Variants in MGAT4C observed in about 807,000 individuals in gnomAD.
The protein encoded by MGAT4C is alpha-1,3-mannosyl-glycoprotein 4-beta-N-acetylglucosaminyltransferase C.
MGAT4C carries 19 observed loss-of-function variants against 40.1 expected under a neutral mutation model. The ratio of observed to expected loss-of-function variants is 0.47; its 90% confidence interval spans 0.33 to 0.70. The LOEUF is 0.70. MGAT4C is among the 30% of genes least tolerant of loss of function. The pLI is 0.02. For synonymous variants in MGAT4C, 181 were observed against 187.1 expected, an observed-to-expected ratio of 0.97 and a Z score of 0.27; for missense variants, 491 against 563.2, an observed-to-expected ratio of 0.87 and a Z score of 1.30.
chr12:86,735,138 C>T (rs73391202), intron 1 of MGAT4C, among the ~76,000 whole-genome samples: 6,676 of 151,890 alleles, frequency 0.044, 180 homozygotes, highest in Non-Finnish European at 0.048. Flanking sequence ...GTTTCCATCT[C>T]GCCTAATGAG....
rs1451329315 is a variant in MGAT4C at position 85,979,418 on chromosome 12, T to G, written c.1308A>C (p.Lys436Asn). 1 of 1,613,428 alleles carries G rather than the reference T, an allele frequency of 6.2e-7. No individual in the cohort carries two copies. Among genetic ancestry groups the G allele is most frequent in the Admixed American group, 1.7e-5 (1 of 59,898 alleles). The change falls in exon 5 of 5, where the codon AAA (lysine) becomes AAC (asparagine). Residue 436 changes from lysine (K) to asparagine (N), a missense_variant. Coordinates refer to ENST00000611864, the MANE Select transcript of MGAT4C (RefSeq NM_001351288.2). ...CACCTGACATTTCAAAGTTTCCATT[T>G]TTGAATTCTCCTAGTCTTAAGTAAG... ...CSTYLRLGEF[K>N]NGNFEMSGVN... is the part of the protein sequence containing the mutation.
intron 2 of MGAT4C, among the ~76,000 whole-genome samples, chr12:86,656,046 A>G (rs565338832): frequency 6.6e-6 from 1 of 152,082 alleles, no homozygotes; most frequent in Admixed American, 6.6e-5. Context: ...AAATTAATTA[A>G]TTATCAAATT....
At position 85,962,449 on chromosome 12, in the gene MGAT4C, A is replaced by C. The variant is rs1207424451; in HGVS notation, c.*16840T>G. 1 of 148,158 alleles carries C rather than the reference A, an allele frequency of 6.7e-6. No individual in the cohort carries two copies. Among genetic ancestry groups the C allele is most frequent in the Non-Finnish European group, 1.5e-5 (1 of 67,060 alleles). 9.2% of individuals were successfully genotyped at this position (148,158 alleles called of 1,614,324 possible). ...ATATAAAATTTTATAATTAATTATA[A>C]AATAAAATATTAACAATAATTGAAC... On this transcript the variant is annotated 3_prime_UTR_variant, in exon 5 of 5. Transcript: ENST00000611864.
chr12:86,022,866 T>C (rs1430169998), intron 2 of MGAT4C, among the ~76,000 whole-genome samples: 6 of 152,146 alleles, frequency 3.9e-5, no homozygotes, highest in Non-Finnish European at 8.8e-5. Flanking sequence ...AAGAGACTTT[T>C]CTACTTGAGA....
intron 1 of MGAT4C, among the ~76,000 whole-genome samples, chr12:86,747,328 C>A (rs979928262): frequency 6.6e-6 from 1 of 151,582 alleles, no homozygotes; most frequent in African/African-American, 2.4e-5. Context: ...GACTGTGCAG[C>A]TTGTTAGAGA....
chr12:86,022,348 A>G lies in MGAT4C; in HGVS notation c.-7+27326T>C, dbSNP rs867520043. 55 of 152,224 alleles carry G rather than the reference A, an allele frequency of 3.6e-4. 1 individual carries two copies. The highest frequency in any genetic ancestry group is 1.3e-3 in the African/African-American group (54 of 41,452). 9.4% of individuals were successfully genotyped at this position (152,224 alleles called of 1,614,324 possible). On this transcript the variant is annotated intron_variant, in intron 2 of 4. Coordinates refer to ENST00000611864, the MANE Select transcript of MGAT4C (RefSeq NM_001351288.2). Reference sequence around the variant, plus strand: ...AGACATTAAGTATTGCCTTAGTTCTATCTCCACTTACTGAAGCCCTACTAT... The same window carrying G: ...AGACATTAAGTATTGCCTTAGTTCTGTCTCCACTTACTGAAGCCCTACTAT...
At chr12:86,384,212 G>C (rs1039090892) in intron 3 of MGAT4C, among the ~76,000 whole-genome samples, 7 of 152,074 alleles carry the variant, frequency 4.6e-5, no homozygotes, top group Non-Finnish European at 8.8e-5. Flanking sequence ...GTTTTTATCA[G>C]CAGTGTGAAA....
At position 85,966,404 on chromosome 12, in the gene MGAT4C, A is replaced by G. The variant is rs557579704; in HGVS notation, c.*12885T>C. The G allele has an allele frequency of 1.1e-4, 16 of 152,282 alleles. No homozygotes were observed. The highest frequency in any genetic ancestry group is 3.6e-4 in the African/African-American group (15 of 41,552). The allele number at this position is 152,282 out of a possible 1,614,324, so 9.4% of individuals were successfully genotyped here. A position where few individuals can be genotyped will look rare whatever the true frequency, so the allele number is the denominator to read the frequency against. On this transcript the variant is annotated 3_prime_UTR_variant, in exon 5 of 5. Transcript: ENST00000611864. ...TTATAAAAATTATGAGTATTTAATC[A>G]AAGTTGTCTCTTTATCATTTGCCAG...
At position 86,755,615 on chromosome 12, in the gene MGAT4C, T is replaced by C. The variant is rs112925924; in HGVS notation, c.-261-28374A>G. ...TTCTCTCTTTCTCTCTCTCTCTTTC[T>C]TTCTCTCTCTCCTTCCTTCCTTCCT... On this transcript the variant is annotated intron_variant, in intron 1 of 7. Coordinates refer to the MGAT4C transcript ENST00000548651. 3.1e-3 allele frequency among the ~76,000 whole-genome samples: 468 copies of C among 151,564 alleles called. 2 individuals carry two copies. Among genetic ancestry groups the C allele is most frequent in the African/African-American group, 0.011 (455 of 41,316 alleles).
rs548662546 is a variant in MGAT4C at position 86,003,904 on chromosome 12, C to T, written c.-6-14352G>A. On this transcript the variant is annotated intron_variant, in intron 2 of 4. Coordinates refer to ENST00000611864, the MANE Select transcript of MGAT4C (RefSeq NM_001351288.2). ...CCTTTTAAGTAATCTTCCTAGGAAG[C>T]CAAGATTTTGTGTCTTATCAAGACA... Among the ~76,000 whole-genome samples the T allele has an allele frequency of 2.0e-5, 3 of 151,992 alleles. No individual in the cohort carries two copies. The East Asian group carries it at 5.8e-4, about 29-fold the overall frequency.
intron 1 of MGAT4C, among the ~76,000 whole-genome samples, chr12:86,222,807 A>C (rs1458810949): frequency 6.6e-6 from 1 of 152,182 alleles, no homozygotes; most frequent in African/African-American, 2.4e-5. Context: ...GGTTAATGTC[A>C]AGATTAAATA....
rs767549343 is a variant in MGAT4C at position 86,395,169 on chromosome 12, G to A, written c.-120+39988C>T. On this transcript the variant is annotated intron_variant, in intron 3 of 7. Coordinates refer to the MGAT4C transcript ENST00000548651. Reference sequence around the variant, plus strand: ...AATAAATGACTTTAAGGAAGCAGGCGATCTAGCTAATTCAGGTAACAAAAA... The same window carrying A: ...AATAAATGACTTTAAGGAAGCAGGCAATCTAGCTAATTCAGGTAACAAAAA... Among the ~76,000 whole-genome samples, 39 of 152,078 alleles carry A rather than the reference G, an allele frequency of 2.6e-4. 1 individual carries two copies. The highest frequency in any genetic ancestry group is 5.0e-4 in the Non-Finnish European group (34 of 68,008).
intron 2 of MGAT4C, among the ~76,000 whole-genome samples, chr12:86,583,010 T>C (rs1008145439): frequency 3.3e-5 from 5 of 151,324 alleles, no homozygotes; most frequent in African/African-American, 1.2e-4. Context: ...TGGGAAATAA[T>C]ATAAAAGAGA....
chr12:86,078,340 T>G (rs750238715), intron 1 of MGAT4C, among the ~76,000 whole-genome samples: 8 of 152,204 alleles, frequency 5.3e-5, no homozygotes, highest in Non-Finnish European at 8.8e-5. Context: ...TCCATGAGCA[T>G]GAGCCCACTG....
intron 1 of MGAT4C, among the ~76,000 whole-genome samples, chr12:86,806,630 C>T (rs538218089): frequency 6.6e-6 from 1 of 152,128 alleles, no homozygotes; most frequent in Admixed American, 6.6e-5. Flanking sequence ...CTGATCACCT[C>T]CACTTCAGTC....
At chr12:86,426,482 C>T (rs1956928736) in intron 3 of MGAT4C, among the ~76,000 whole-genome samples, 3 of 152,118 alleles carry the variant, frequency 2.0e-5, no homozygotes, top group Admixed American at 2.0e-4. Flanking sequence ...GTATCATTCA[C>T]CATATACAAA....
intron 1 of MGAT4C, among the ~76,000 whole-genome samples, chr12:86,141,796 G>C (rs1045770011): frequency 6.6e-6 from 1 of 152,110 alleles, no homozygotes; most frequent in Non-Finnish European, 1.5e-5. Context: ...AACTCATGTA[G>C]ATTATACAAT....
chr12:86,072,517 T>C (rs1868752472), intron 1 of MGAT4C, among the ~76,000 whole-genome samples: 1 of 152,154 alleles, frequency 6.6e-6, no homozygotes, highest in Non-Finnish European at 1.5e-5. Flanking sequence ...TCTTTCTAGA[T>C]AGAAAGACAC....
At chr12:86,189,291 A>AT (rs1166404984) in intron 1 of MGAT4C, among the ~76,000 whole-genome samples, 1 of 151,970 alleles carries the variant, frequency 6.6e-6, no homozygotes, top group Non-Finnish European at 1.5e-5. Context: ...TGCTGGTGAA[A>AT]TGTCACCTAA....
Sources: gnomAD v4.1 joint callset for allele counts (sites outside exome capture counted in the v4.1 genomes callset) on GRCh38, gnomAD v4.1.1 for gene constraint, MANE v1.5 for transcripts, NCBI Gene and HGNC (gene_info 2026-07-23, HGNC 2026-07-21) for gene names.